Variants in DCHS1 observed in about 807,000 individuals in gnomAD.
DCHS1 encodes the protein dachsous cadherin-related 1.
A neutral mutation model predicts 213.9 loss-of-function variants in DCHS1; 78 were observed. The observed-to-expected ratio is 0.36, with a 90% CI of 0.30 to 0.44. DCHS1 has a LOEUF of 0.44. Ranked by LOEUF, DCHS1 falls within the 20% of genes least tolerant of loss-of-function variation. The probability of loss-of-function intolerance (pLI) is 1.00; values close to 1 mark genes in which losing one functional copy is unlikely to be tolerated. For synonymous variants in DCHS1, 1,828 were observed against 1,873.7 expected (o/e 0.98, Z 0.63); for missense variants, 3,946 against 4,395.9 (o/e 0.90, Z 2.89).
chr11:6,642,441 A>C (rs1856092906), intron 1 of DCHS1, among the ~76,000 whole-genome samples: 1 of 152,224 alleles, frequency 6.6e-6, no homozygotes, highest in Non-Finnish European at 1.5e-5. Context: ...ACAGGCAGGG[A>C]GTCAGGGAGT....
In DCHS1 at chr11:6,630,411, C is replaced by A; in HGVS notation, c.4383G>T (p.Ser1461=). ...PGAALYTFRA[S]DADGPGPNSD... is the part of the protein sequence containing the mutation. The stretch of plus-strand genomic sequence containing the variant: ...TATTGGGGCCGGGGCCGTCGGCGTC[C>A]GACGCGCGGAAAGTGTACAGCGCTG... The change falls in exon 10 of 21, where the codon TCG becomes TCT. Residue 1461 remains serine (S), a synonymous_variant. Coordinates refer to ENST00000299441, the MANE Select transcript of DCHS1 (RefSeq NM_003737.4). The A allele has an allele frequency of 7.0e-7, 1 of 1,434,906 alleles. No individual in the cohort carries two copies. The highest frequency in any genetic ancestry group is 9.1e-7 in the Non-Finnish European group (1 of 1,099,560). 88.9% of individuals were successfully genotyped at this position (1,434,906 alleles called of 1,614,324 possible).
At chr11:6,638,304 G>A (rs1156706144) in intron 2 of DCHS1, among the ~76,000 whole-genome samples, 1 of 152,214 alleles carries the variant, frequency 6.6e-6, no homozygotes, top group East Asian at 1.9e-4. Flanking sequence ...CTCTCCTGCT[G>A]CCATTCTCCA....
In DCHS1 at chr11:6,629,778, G is replaced by A; in HGVS notation, c.4929C>T (p.Asn1643=). The A allele has an allele frequency of 1.2e-6, 2 of 1,613,710 alleles. No homozygotes were observed. Among genetic ancestry groups the A allele is most frequent in the African/African-American group, 1.3e-5 (1 of 75,082 alleles). The change falls in exon 11 of 21, where the codon AAC becomes AAT. Residue 1643 remains asparagine (N), a synonymous_variant. Coordinates refer to ENST00000299441, the MANE Select transcript of DCHS1 (RefSeq NM_003737.4). The stretch of plus-strand genomic sequence containing the variant: ...GCTGCTGGAAAGTAGGCGCCTCGTC[G>A]TTGACGTCAGCGACACTGACGGTCA... The part of the protein sequence containing the change: ...QVLTVSVADV[N]DEAPTFQQQE...
chr11:6,629,922 G>A lies in DCHS1; in HGVS notation c.4796-11C>T, dbSNP rs574340181. On this transcript the variant is annotated splice_polypyrimidine_tract_variant and intron_variant, in intron 10 of 20. Transcript: ENST00000299441. ...CCACGGACAGCGCTCCTAGGTGAGC[G>A]GTAAGGCAGGTTGGTGGGGACCCCA... The A allele has an allele frequency of 3.7e-6, 6 of 1,608,982 alleles. No individual in the cohort carries two copies. Among genetic ancestry groups the A allele is most frequent in the African/African-American group, 1.3e-5 (1 of 74,990 alleles).
chr11:6,627,403 G>T lies in DCHS1; in HGVS notation c.5636C>A (p.Ala1879Asp), dbSNP rs1393436720. The change falls in exon 14 of 21, where the codon GCT becomes GAT. Residue 1879 changes from alanine to aspartate, a missense_variant. Around this residue, in one of 3 missense-constraint regions of DCHS1, gnomAD observed 3,384 missense variants for 3,780.1 expected, o/e 0.90. Transcript: ENST00000299441. The surrounding 1 kb of genome is among the most constrained non-coding windows in gnomAD (Gnocchi z 5.4). ...ATTAGCTCCAGCATCAGGGTCATGA[G>T]CCTGTAGCTGCAGCAGCAGGGTCCC... is the stretch of plus-strand genomic sequence containing the variant. ...PAGTLLLQLQ[A>D]HDPDAGANGH... 6.2e-7 allele frequency: 1 copy of T among 1,609,480 alleles called. No homozygotes were observed. Among genetic ancestry groups the T allele is most frequent in the Non-Finnish European group, 8.5e-7 (1 of 1,178,056 alleles).
Position 6,626,811 on chromosome 11 carries a change from C to G in DCHS1, c.6228G>C (p.Thr2076=), listed in dbSNP as rs771508848. The stretch of plus-strand genomic sequence containing the variant: ...CACCTGGGGGCGCATTCTCACGAAT[C>G]GTAGCCTCACTGCTAGCCCGGGGAA... ...PRFPRASSEA[T]IRENAPPGTP... is the part of the protein sequence containing the mutation. Residue 2076 remains threonine, a synonymous_variant, in exon 14 of 21, where the codon ACG becomes ACC. Coordinates refer to ENST00000299441, the MANE Select transcript of DCHS1 (RefSeq NM_003737.4). The surrounding 1 kb of genome is among the most constrained non-coding windows in gnomAD (Gnocchi z 5.2). 1 of 1,612,788 alleles carries G rather than the reference C, an allele frequency of 6.2e-7. No homozygotes were observed.
Position 6,652,962 on chromosome 11 carries a change from T to G in DCHS1, c.-121+2601A>C, listed in dbSNP as rs117608762. 2.3e-3 allele frequency among the ~76,000 whole-genome samples: 351 copies of G among 152,336 alleles called. 1 individual carries two copies. The highest frequency in any genetic ancestry group is 3.9e-3 in the Non-Finnish European group (263 of 68,020). On this transcript the variant is annotated intron_variant, in intron 1 of 20. Transcript: ENST00000299441. Reference sequence around the variant, plus strand: ...CTCCAGAGTTTCTGCAACAGCCAACTGTCCTTCTTCTCAGGCTCTTTCTCC... The same window carrying G: ...CTCCAGAGTTTCTGCAACAGCCAACGGTCCTTCTTCTCAGGCTCTTTCTCC...
Position 6,640,186 on chromosome 11 carries a change from G to C in DCHS1, c.1428C>G (p.Leu476=), listed in dbSNP as rs1335015161. The change falls in exon 2 of 21, where the codon CTC becomes CTG. Residue 476 remains leucine (L), a synonymous_variant. Transcript: ENST00000299441. This position sits in a 1 kb window ranked among gnomAD's most constrained non-coding sequence, Gnocchi z 6.5. ...NDNAPAFDRQ[L]YRPEPLPEVA... Reference sequence around the variant, plus strand: ...CCTCAGGCAGGGGCTCAGGTCGGTAGAGCTGGCGGTCAAAGGCAGGTGCAT... The same window carrying C: ...CCTCAGGCAGGGGCTCAGGTCGGTACAGCTGGCGGTCAAAGGCAGGTGCAT... 1 of 1,613,780 alleles carries C rather than the reference G, an allele frequency of 6.2e-7. No homozygotes were observed. The highest frequency in any genetic ancestry group is 1.1e-5 in the South Asian group (1 of 91,030).
chr11:6,637,813 G>A (rs1252478450), intron 2 of DCHS1, among the ~76,000 whole-genome samples: 3 of 152,042 alleles, frequency 2.0e-5, no homozygotes, highest in African/African-American at 7.2e-5. Flanking sequence ...AACTCCTTAA[G>A]ATGAGGGGAG....
At position 6,632,625 on chromosome 11, in the gene DCHS1, C is replaced by A; in HGVS notation, c.2887G>T (p.Ala963Ser). ...MRPLGPSGGPAHELELEARDG... is the reference protein window; with the variant it reads ...MRPLGPSGGPSHELELEARDG... Reference sequence around the variant, plus strand: ...CGGGCCTCCAGCTCCAGCTCATGGGCTGGCCCTCCTGAGGGCCCCAGAGGC... The same window carrying A: ...CGGGCCTCCAGCTCCAGCTCATGGGATGGCCCTCCTGAGGGCCCCAGAGGC... Residue 963 changes from alanine to serine, a missense_variant, in exon 6 of 21, where the codon GCC becomes TCC. Around this residue, in one of 3 missense-constraint regions of DCHS1, gnomAD observed 3,384 missense variants for 3,780.1 expected, o/e 0.90. Coordinates refer to ENST00000299441, the MANE Select transcript of DCHS1 (RefSeq NM_003737.4). The surrounding 1 kb of genome is among the most constrained non-coding windows in gnomAD (Gnocchi z 5.9). The A allele has an allele frequency of 6.5e-7, 1 of 1,546,102 alleles. No homozygotes were observed. Among genetic ancestry groups the A allele is most frequent in the Non-Finnish European group, 8.8e-7 (1 of 1,142,176 alleles).
chr11:6,623,008 T>G lies in DCHS1; in HGVS notation c.8668A>C (p.Thr2890Pro), dbSNP rs1325075101. 3 of 1,571,076 alleles carry G rather than the reference T, an allele frequency of 1.9e-6. No homozygotes were observed. The highest frequency in any genetic ancestry group is 2.6e-6 in the Non-Finnish European group (3 of 1,158,764). Residue 2890 changes from threonine (T) to proline (P), a missense_variant, in exon 21 of 21, where the codon ACC becomes CCC. By Grantham distance (38) the Thr-to-Pro change is conservative. Around this residue, in one of 3 missense-constraint regions of DCHS1, gnomAD observed 554 missense variants for 590.2 expected, o/e 0.94. Coordinates refer to ENST00000299441, the MANE Select transcript of DCHS1 (RefSeq NM_003737.4). Reference sequence around the variant, plus strand: ...AGCTCCCGTGGTGCTTCCCGCCGGGTCCGGCCCCCACCCCCAGAGGTGGCT... The same window carrying G: ...AGCTCCCGTGGTGCTTCCCGCCGGGGCCGGCCCCCACCCCCAGAGGTGGCT... ...GTATSGGGGR[T>P]RREAPRELRL...
chr11:6,624,176 A>G lies in DCHS1; in HGVS notation c.7500T>C (p.Thr2500=), dbSNP rs1050764556. 2.5e-6 allele frequency: 4 copies of G among 1,613,104 alleles called. No individual in the cohort carries two copies. Among genetic ancestry groups the G allele is most frequent in the Non-Finnish European group, 3.4e-6 (4 of 1,179,686 alleles). ...CATCTGTAGCCTCCAGGGTGAGCAG[A>G]GTGGAGCCAGGGGGCAGGTCTTCAG... ...AVTEDLPPGS[T]LLTLEATDAD... The change falls in exon 21 of 21, where the codon ACT becomes ACC. Residue 2500 remains threonine, a synonymous_variant. Coordinates refer to ENST00000299441, the MANE Select transcript of DCHS1 (RefSeq NM_003737.4).
At position 6,631,159 on chromosome 11, in the gene DCHS1, G is replaced by C. The variant is rs1471048137; in HGVS notation, c.3824C>G (p.Thr1275Ser). 1.2e-6 allele frequency: 2 copies of C among 1,612,160 alleles called. No homozygotes were observed. The highest frequency in any genetic ancestry group is 1.3e-5 in the African/African-American group (1 of 74,840). The change falls in exon 9 of 21, where the codon ACT becomes AGT. Residue 1275 changes from threonine (T) to serine (S), a missense_variant. Thr to Ser is a moderately conservative substitution (Grantham distance 58). This residue lies in a region of DCHS1 where 3,384 missense variants were observed against 3,780.1 expected (regional missense o/e 0.90). Coordinates refer to ENST00000299441, the MANE Select transcript of DCHS1 (RefSeq NM_003737.4). Reference sequence around the variant, plus strand: ...CTCTGCTCGGATCAGGGGAGCTGCAGTGAGCAGCTCCCCTGAGTGAGGGTG... The same window carrying C: ...CTCTGCTCGGATCAGGGGAGCTGCACTGAGCAGCTCCCCTGAGTGAGGGTG... ...SLHPHSGELLTAAPLIRAERP... is the reference protein window; with the variant it reads ...SLHPHSGELLSAAPLIRAERP...
Position 6,622,378 on chromosome 11 carries a change from G to A in DCHS1, c.9298C>T (p.Pro3100Ser). 1 of 1,565,874 alleles carries A rather than the reference G, an allele frequency of 6.4e-7. No homozygotes were observed. The highest frequency in any genetic ancestry group is 8.7e-7 in the Non-Finnish European group (1 of 1,155,074). The change falls in exon 21 of 21, where the codon CCA (proline) becomes TCA (serine). Residue 3100 changes from proline to serine, a missense_variant. Physicochemically the swap from Pro to Ser is moderately conservative, Grantham distance 74. This residue lies in a region of DCHS1 where 554 missense variants were observed against 590.2 expected (regional missense o/e 0.94). Coordinates refer to ENST00000299441, the MANE Select transcript of DCHS1 (RefSeq NM_003737.4). The surrounding 1 kb of genome is among the most constrained non-coding windows in gnomAD (Gnocchi z 5.4). The stretch of plus-strand genomic sequence containing the variant: ...CTGTAGAGAGTGGCTCCTGCACCTG[G>A]CAGCAGCAGCCCTGCCTTTCGGCCC... ...YKGRKAGLLL[P>S]GAGATLYREE...
In DCHS1 at chr11:6,624,293, G is replaced by C. The variant is rs1467924039; in HGVS notation, c.7383C>G (p.Gly2461=). Residue 2461 remains glycine (G), a synonymous_variant, in exon 21 of 21, where the codon GGC becomes GGG. Coordinates refer to ENST00000299441, the MANE Select transcript of DCHS1 (RefSeq NM_003737.4). ...VLEARDHGAP[G]RAARATVHVQ... ...CGTGCACTGTGGCTCGTGCTGCCCG[G>C]CCTGGAGCCCCGTGGTCTCGTGCTT... 5 of 1,596,838 alleles carry C rather than the reference G, an allele frequency of 3.1e-6. No individual in the cohort carries two copies. The highest frequency in any genetic ancestry group is 4.3e-6 in the Non-Finnish European group (5 of 1,172,940).
intron 1 of DCHS1, among the ~76,000 whole-genome samples, chr11:6,642,949 G>A (rs778120582): frequency 6.6e-6 from 1 of 152,196 alleles, no homozygotes; most frequent in Non-Finnish European, 1.5e-5. Context: ...TAGGTCTCTG[G>A]TGGGGTTCAG....
chr11:6,630,938 G>C, intron 9 of DCHS1, 75 bp from the exon 10 acceptor site: 1 of 1,497,954 alleles, frequency 6.7e-7, no homozygotes, highest in Middle Eastern at 2.5e-4. Flanking sequence ...CTTCCCAGGT[G>C]GTAGGAAAGT....
chr11:6,640,460 A>T lies in DCHS1; in HGVS notation c.1154T>A (p.Val385Asp). 1 of 1,613,832 alleles carries T rather than the reference A, an allele frequency of 6.2e-7. No individual in the cohort carries two copies. Among genetic ancestry groups the T allele is most frequent in the Admixed American group, 1.7e-5 (1 of 60,024 alleles). The change falls in exon 2 of 21, where the codon GTT becomes GAT. Residue 385 changes from valine (V) to aspartate (D), a missense_variant. Val to Asp is a radical substitution (Grantham distance 152). Around this residue, in one of 3 missense-constraint regions of DCHS1, gnomAD observed 3,384 missense variants for 3,780.1 expected, o/e 0.90. Transcript: ENST00000299441. This position sits in a 1 kb window ranked among gnomAD's most constrained non-coding sequence, Gnocchi z 6.5. The stretch of plus-strand genomic sequence containing the variant: ...TGGGTCTGACACAGAGATGCGAGCA[A>T]CGAGCTGTCCAGGTGGGGCGGCCTC... ...VSEAAPPGQL[V>D]ARISVSDPDD...
Position 6,625,632 on chromosome 11 carries a change from G to A in DCHS1, c.6827C>T (p.Thr2276Ile). 1 of 1,613,580 alleles carries A rather than the reference G, an allele frequency of 6.2e-7. No individual in the cohort carries two copies. Residue 2276 changes from threonine to isoleucine, a missense_variant, in exon 18 of 21, where the codon ACC becomes ATC. Thr to Ile is a moderately conservative substitution (Grantham distance 89). Around this residue, in one of 3 missense-constraint regions of DCHS1, gnomAD observed 3,384 missense variants for 3,780.1 expected, o/e 0.90. Transcript: ENST00000299441. This position sits in a 1 kb window ranked among gnomAD's most constrained non-coding sequence, Gnocchi z 5.3. ...TCGGAGCTCCCAGGGTTGGGGGATG[G>A]TGGGGCGATTGTCATTGGTGTCGAT... ...MVIDTNDNRPTIPQPWELRVS... is the reference protein window; with the variant it reads ...MVIDTNDNRPIIPQPWELRVS...
Sources: allele counts gnomAD v4.1 joint callset (sites outside exome capture counted in the v4.1 genomes callset), GRCh38; gene constraint gnomAD v4.1.1; regional missense constraint gnomAD v4.1.1; non-coding constraint Gnocchi (gnomAD v3.1); transcripts MANE v1.5; gene names NCBI Gene and HGNC (gene_info 2026-07-23, HGNC 2026-07-21).